The following PDE1C variants were observed in gnomAD, a reference collection of about 807,000 sequenced individuals.
The protein encoded by PDE1C is phosphodiesterase 1C.
In PDE1C, 62 loss-of-function variants were observed where a neutral mutation model predicts 93.1. The observed-to-expected ratio is 0.67, with a 90% CI of 0.54 to 0.82. PDE1C has a LOEUF of 0.82. Ranked by LOEUF, PDE1C falls within the 40% of genes least tolerant of loss-of-function variation. PDE1C has a pLI of 0.00. For missense variants in PDE1C, 742 were observed against 884.6 expected (o/e 0.84, Z 2.04); for synonymous variants, 325 against 310.1 (o/e 1.05, Z -0.50).
the PDE1C span, chr7:31,642,707 G>T: frequency 2.5e-6 from 4 of 1,613,828 alleles, no homozygotes; most frequent in African/African-American, 1.3e-5. Context: ...AACAGCCAGA[G>T]TCCTGCTGAG....
chr7:31,758,520 T>C (rs372285364), intron 17 of PDE1C, among the ~76,000 whole-genome samples: 5 of 152,290 alleles, frequency 3.3e-5, no homozygotes, highest in South Asian at 4.1e-4. Context: ...CTTCGAAACT[T>C]TTAACTCACT....
chr7:32,072,206 T>G (rs952000988), upstream of PDE1C, among the ~76,000 whole-genome samples: 1 of 152,190 alleles, frequency 6.6e-6, no homozygotes, highest in African/African-American at 2.4e-5. Flanking sequence ...GCTGGCCCCA[T>G]GCATTCTAGC....
At chr7:32,120,262 G>A (rs1433477389) in intron 3 of PDE1C, among the ~76,000 whole-genome samples, 2 of 152,220 alleles carry the variant, frequency 1.3e-5, no homozygotes, top group African/African-American at 4.8e-5. Flanking sequence ...GCCCCTAGGG[G>A]GAAGGGTGGC....
the PDE1C span, among the ~76,000 whole-genome samples, chr7:31,723,808 C>G: frequency 6.6e-5 from 10 of 152,310 alleles, no homozygotes; most frequent in South Asian, 2.1e-3. Context: ...AGTTAATTCT[C>G]GTCTACAGCA....
chr7:31,682,791 A>G, the PDE1C span, among the ~76,000 whole-genome samples: 1 of 152,222 alleles, frequency 6.6e-6, no homozygotes, highest in Non-Finnish European at 1.5e-5. Context: ...ATTTTTCAGC[A>G]ATAAAAAGGA....
chr7:31,901,445 G>A (rs1257926417), intron 2 of PDE1C, among the ~76,000 whole-genome samples: 3 of 151,244 alleles, frequency 2.0e-5, no homozygotes, highest in Non-Finnish European at 3.0e-5. Context: ...CTAATTCCAT[G>A]TGAAGAAAAC....
At chr7:31,651,261 G>A in the PDE1C span, 1 of 1,613,122 alleles carries the variant, frequency 6.2e-7, no homozygotes, top group Non-Finnish European at 8.5e-7. Flanking sequence ...ACATGTCAGA[G>A]GAGGAAAGGT....
intron 1 of PDE1C, among the ~76,000 whole-genome samples, chr7:32,059,280 G>T (rs1794505755): frequency 6.6e-6 from 1 of 152,228 alleles, no homozygotes; most frequent in Non-Finnish European, 1.5e-5. Context: ...ATCTGAAGCA[G>T]AGATGTAAAT....
intron 5 of PDE1C, among the ~76,000 whole-genome samples, chr7:31,874,881 A>G (rs1796350519): frequency 6.6e-6 from 1 of 152,254 alleles, no homozygotes; most frequent in Non-Finnish European, 1.5e-5. Flanking sequence ...CCAGTTTTAT[A>G]GATGGCAACC....
chr7:31,928,399 C>T (rs371201740), intron 2 of PDE1C, among the ~76,000 whole-genome samples: 1 of 152,148 alleles, frequency 6.6e-6, no homozygotes, highest in Non-Finnish European at 1.5e-5. Context: ...CCTAGCAAGA[C>T]AGCCAAACAT....
At chr7:32,394,264 G>GT (rs1246919791) in intron 1 of PDE1C, among the ~76,000 whole-genome samples, 1 of 152,198 alleles carries the variant, frequency 6.6e-6, no homozygotes. Flanking sequence ...AGTCAAAAGA[G>GT]TTTTTTTAAA....
intron 2 of PDE1C, among the ~76,000 whole-genome samples, chr7:31,946,940 C>T (rs551454651): frequency 2.0e-5 from 3 of 152,150 alleles, no homozygotes; most frequent in East Asian, 1.9e-4. Context: ...CTGAAGTAAA[C>T]GAGCCTTCAT....
chr7:32,201,229 G>A (rs569361687), intron 2 of PDE1C, among the ~76,000 whole-genome samples: 10 of 152,252 alleles, frequency 6.6e-5, no homozygotes, highest in African/African-American at 2.4e-4. Context: ...AAATGAGAAG[G>A]TTTTCAGGTT....
At chr7:32,361,740 T>C (rs1159358743) in intron 1 of PDE1C, among the ~76,000 whole-genome samples, 1 of 152,166 alleles carries the variant, frequency 6.6e-6, no homozygotes, top group East Asian at 1.9e-4. Flanking sequence ...TTTGTACATC[T>C]CTTTCTCATA....
intron 3 of PDE1C, among the ~76,000 whole-genome samples, chr7:32,155,266 A>C (rs1284458048): frequency 6.6e-6 from 1 of 152,210 alleles, no homozygotes; most frequent in Non-Finnish European, 1.5e-5. Flanking sequence ...AGGATCTTGA[A>C]TATGTTCATG....
chr7:31,683,862 A>G, the PDE1C span, among the ~76,000 whole-genome samples: 3 of 152,352 alleles, frequency 2.0e-5, no homozygotes, highest in East Asian at 5.8e-4. Context: ...GATATTTGTG[A>G]TTAAAGTGAA....
At chr7:31,623,179 G>A in the PDE1C span, among the ~76,000 whole-genome samples, 1 of 152,092 alleles carries the variant, frequency 6.6e-6, no homozygotes, top group Non-Finnish European at 1.5e-5. Flanking sequence ...AGAGGTACAA[G>A]GAGGAACTGG....
intron 2 of PDE1C, among the ~76,000 whole-genome samples, chr7:32,031,836 T>C (rs937905323): frequency 5.9e-5 from 9 of 152,112 alleles, no homozygotes; most frequent in African/African-American, 2.2e-4. Context: ...AGCCTGGAAG[T>C]GGGAAGAGAT....
At chr7:32,392,265 T>C (rs1243660576) in intron 1 of PDE1C, among the ~76,000 whole-genome samples, 7 of 152,172 alleles carry the variant, frequency 4.6e-5, no homozygotes, top group Non-Finnish European at 1.0e-4. Flanking sequence ...AAAATCTGAC[T>C]AAACCTATAA....
Sources: allele counts gnomAD v4.1 joint callset (sites outside exome capture counted in the v4.1 genomes callset), GRCh38; gene constraint gnomAD v4.1.1; transcripts MANE v1.5; gene names NCBI Gene and HGNC (gene_info 2026-07-23, HGNC 2026-07-21).